Variants in PODXL observed in about 807,000 individuals in gnomAD.
PODXL encodes the protein podocalyxin.
A neutral mutation model predicts 48.9 loss-of-function variants in PODXL; 20 were observed. The observed-to-expected ratio is 0.41, with a 90% CI of 0.29 to 0.59. The LOEUF (loss-of-function observed/expected upper bound fraction) is 0.59, where lower values mean the gene tolerates loss of function less well. Ranked by LOEUF, PODXL falls within the 20% of genes least tolerant of loss-of-function variation. The probability of loss-of-function intolerance (pLI) is 0.31; values close to 1 mark genes in which losing one functional copy is unlikely to be tolerated. For missense variants in PODXL, 606 were observed against 675.1 expected (o/e 0.90, Z 1.13); for synonymous variants, 295 against 287.4 (o/e 1.03, Z -0.27).
Position 131,556,459 on chromosome 7 carries a change from T to C in PODXL, c.-100A>G. On this transcript the variant is annotated 5_prime_UTR_variant, in exon 1 of 9. Coordinates refer to ENST00000378555, the MANE Select transcript of PODXL (RefSeq NM_001018111.3). ...CGTGGGCGCCGCCCGGGGAGGCCTG[T>C]GGGTGGCTCCGGAGGCCAGGCTGTG... The C allele has an allele frequency of 7.9e-7, 1 of 1,264,324 alleles. No homozygotes were observed. Among genetic ancestry groups the C allele is most frequent in the Non-Finnish European group, 1.0e-6 (1 of 1,002,992 alleles). 78.3% of individuals were successfully genotyped at this position (1,264,324 alleles called of 1,614,324 possible).
At chr7:131,524,077 G>A (rs967393833) in intron 1 of PODXL, among the ~76,000 whole-genome samples, 10 of 152,102 alleles carry the variant, frequency 6.6e-5, no homozygotes, top group Non-Finnish European at 5.9e-5. Context: ...GGGATTACAG[G>A]CGTGAGCCAC....
rs776961758 is a variant in PODXL at position 131,510,934 on chromosome 7, G to A, written c.600C>T (p.Thr200=). ...GATGGTCATGTCCCGAGCTTGTTGG[G>A]GTGGCCACAGGATGCGTCGAAGTGG... ...RQPTSTHPVA[T]PTSSGHDHLM... The change falls in exon 2 of 9, where the codon ACC becomes ACT. Residue 200 remains threonine, a synonymous_variant. Coordinates refer to ENST00000378555, the MANE Select transcript of PODXL (RefSeq NM_001018111.3). The A allele has an allele frequency of 1.2e-6, 2 of 1,614,158 alleles. No individual in the cohort carries two copies. The highest frequency in any genetic ancestry group is 2.2e-5 in the East Asian group (1 of 44,882).
intron 1 of PODXL, among the ~76,000 whole-genome samples, chr7:131,550,177 C>A (rs955444505): frequency 9.2e-5 from 14 of 152,336 alleles, no homozygotes; most frequent in African/African-American, 3.1e-4. Context: ...GGGCCAGTGG[C>A]AAACACCGAC....
intron 1 of PODXL, among the ~76,000 whole-genome samples, chr7:131,540,522 T>G (rs572606657): frequency 6.6e-6 from 1 of 151,474 alleles, no homozygotes; most frequent in South Asian, 2.1e-4. Flanking sequence ...GCACCGACCC[T>G]CACCCTTCTC....
Position 131,520,390 on chromosome 7 carries a change from C to G in PODXL, c.101-8957G>C, listed in dbSNP as rs554680708. The stretch of plus-strand genomic sequence containing the variant: ...AGAATGTCCCATACCTATCCCTGTG[C>G]GGTTGTCCAGGAAACAGAATGAGGA... On this transcript the variant is annotated intron_variant, in intron 1 of 8. Coordinates refer to ENST00000378555, the MANE Select transcript of PODXL (RefSeq NM_001018111.3). 3.2e-5 allele frequency: 13 copies of G among 400,366 alleles called. 1 individual carries two copies. The highest frequency in any genetic ancestry group is 3.0e-4 in the South Asian group (13 of 43,490). 24.8% of individuals were successfully genotyped at this position (400,366 alleles called of 1,614,324 possible).
chr7:131,506,451 G>A (rs1797804483), intron 6 of PODXL, 128 bp downstream of exon 6: 3 of 1,417,678 alleles, frequency 2.1e-6, no homozygotes, highest in African/African-American at 2.8e-5. Flanking sequence ...CCTGGGAGGG[G>A]GTGTGGCTTG....
At chr7:131,512,994 C>CA (rs60701480) in intron 1 of PODXL, among the ~76,000 whole-genome samples, 6,044 of 95,726 alleles carry the variant, frequency 0.063, 389 homozygotes, top group African/African-American at 0.13. Context: ...GACTCCGTCT[C>CA]AAAAAAAAAA....
In PODXL at chr7:131,506,253, C is replaced by G. The variant is rs371693121; in HGVS notation, c.1311+7G>C. On this transcript the variant is annotated splice_region_variant and intron_variant, in intron 7 of 8. Transcript: ENST00000378555. ...CACTCTGTCCCCACACTTGGGGGGC[C>G]GCTTACCTCCTTTAGTTCATCCCAT... The G allele has an allele frequency of 6.2e-7, 1 of 1,614,036 alleles. No homozygotes were observed. The highest frequency in any genetic ancestry group is 8.5e-7 in the Non-Finnish European group (1 of 1,179,892).
intron 1 of PODXL, among the ~76,000 whole-genome samples, chr7:131,540,603 A>C (rs1584828952): frequency 6.6e-6 from 1 of 152,302 alleles, no homozygotes; most frequent in South Asian, 2.1e-4. Flanking sequence ...TCCAGAGCCA[A>C]AGCGCCCGGA....
intron 1 of PODXL, among the ~76,000 whole-genome samples, chr7:131,517,562 T>C (rs745626455): frequency 8.5e-5 from 13 of 152,142 alleles, no homozygotes; most frequent in African/African-American, 3.1e-4. Context: ...ACAAACAACA[T>C]AAATATATTC....
intron 1 of PODXL, among the ~76,000 whole-genome samples, chr7:131,555,008 C>G (rs1798721866): frequency 6.6e-6 from 1 of 152,202 alleles, no homozygotes; most frequent in Admixed American, 6.5e-5. Context: ...CCTTTCTAGT[C>G]AGGCTGGTGG....
intron 1 of PODXL, among the ~76,000 whole-genome samples, chr7:131,515,981 AT>A (rs1217599697): frequency 6.6e-6 from 1 of 152,234 alleles, no homozygotes; most frequent in Non-Finnish European, 1.5e-5. Flanking sequence ...CACACTAAAA[AT>A]ATCTACAAAA....
In PODXL at chr7:131,500,478, CAA is replaced by C. The variant is rs1199065193; in HGVS notation, c.*3831_*3832del. 4 of 152,712 alleles carry C rather than the reference CAA, an allele frequency of 2.6e-5. No individual in the cohort carries two copies. The highest frequency in any genetic ancestry group is 2.6e-4 in the Admixed American group (4 of 15,296). 9.5% of individuals were successfully genotyped at this position (152,712 alleles called of 1,614,324 possible). Reference sequence around the variant, plus strand: ...TCACTGCAGACAAAAAGACCAACACCAAAGAGTCATCTGTGTCCTCCATGCTG... The same window carrying C: ...TCACTGCAGACAAAAAGACCAACACCAGAGTCATCTGTGTCCTCCATGCTG... On this transcript the variant is annotated 3_prime_UTR_variant, in exon 9 of 9. Transcript: ENST00000378555.
chr7:131,509,312 C>A (rs745985932), intron 4 of PODXL, 53 bp downstream of exon 4: 2 of 1,403,920 alleles, frequency 1.4e-6, no homozygotes, highest in Non-Finnish European at 2.0e-6. Context: ...GTCTTAAAGC[C>A]TCTTCTACCC....
At chr7:131,509,278 T>G in intron 4 of PODXL, 87 bp downstream of exon 4, 1 of 1,101,422 alleles carries the variant, frequency 9.1e-7, no homozygotes, top group Non-Finnish European at 1.4e-6. Context: ...GGGCCCTGCG[T>G]TGGAGGAAAG....
In PODXL at chr7:131,504,413, C is replaced by A; in HGVS notation, c.1575G>T (p.Lys525Asn). Residue 525 changes from lysine (K) to asparagine (N), a missense_variant, in exon 9 of 9, where the codon AAG becomes AAT. By Grantham distance (94) the Lys-to-Asn change is moderately conservative. Transcript: ENST00000378555. ...GCTCCCCGTTGAGGCTGACCACCTT[C>A]TTCTCCTGCATCTCAGAAGAGGTCT... Reference protein sequence around the residue: ...VMETSSEMQEKKVVSLNGELG... With the variant: ...VMETSSEMQENKVVSLNGELG... The A allele has an allele frequency of 6.2e-7, 1 of 1,614,178 alleles. No homozygotes were observed. Among genetic ancestry groups the A allele is most frequent in the East Asian group, 2.2e-5 (1 of 44,872 alleles).
chr7:131,526,225 A>C (rs1798183785), intron 1 of PODXL, among the ~76,000 whole-genome samples: 1 of 152,192 alleles, frequency 6.6e-6, no homozygotes, highest in Non-Finnish European at 1.5e-5. Flanking sequence ...ATAAAAATGA[A>C]ACGAAGAGGA....
chr7:131,526,863 C>T (rs764385116), intron 1 of PODXL, among the ~76,000 whole-genome samples: 5 of 149,916 alleles, frequency 3.3e-5, no homozygotes, highest in Non-Finnish European at 7.4e-5. Context: ...AGCCTGTATC[C>T]GAGTAGCTGG....
chr7:131,518,451 T>A (rs1292935990), intron 1 of PODXL, among the ~76,000 whole-genome samples: 1 of 152,198 alleles, frequency 6.6e-6, no homozygotes, highest in African/African-American at 2.4e-5. Context: ...TCATCGAGCA[T>A]CAGTTTGCAC....
Sources: allele counts gnomAD v4.1 joint callset (sites outside exome capture counted in the v4.1 genomes callset), GRCh38; gene constraint gnomAD v4.1.1; transcripts MANE v1.5; gene names NCBI Gene and HGNC (gene_info 2026-07-23, HGNC 2026-07-21).